PAG1: variants seen among roughly 807,000 people sequenced by gnomAD.
PAG1 encodes phosphoprotein associated with glycosphingolipid-enriched microdomains 1.
In PAG1, 23 loss-of-function variants were observed where a neutral mutation model predicts 31.7. The observed-to-expected ratio is 0.73, with a 90% CI of 0.52 to 1.03. The LOEUF (loss-of-function observed/expected upper bound fraction) is 1.03, where lower values mean the gene tolerates loss of function less well. Ranked by LOEUF, PAG1 falls within the 50% of genes least tolerant of loss-of-function variation. PAG1 has a pLI of 0.00. For missense variants in PAG1, 473 were observed against 540.7 expected (o/e 0.87, Z 1.24); for synonymous variants, 214 against 210.3 (o/e 1.02, Z -0.15).
intron 1 of PAG1, among the ~76,000 whole-genome samples, chr8:81,096,046 TA>T (rs1395581641): frequency 6.6e-6 from 1 of 152,248 alleles, no homozygotes; most frequent in Non-Finnish European, 1.5e-5. Context: ...GATATTCACG[TA>T]AATTTCACAT....
intron 2 of PAG1, among the ~76,000 whole-genome samples, chr8:81,038,636 A>G (rs1237752560): frequency 6.6e-6 from 1 of 152,120 alleles, no homozygotes; most frequent in Admixed American, 6.6e-5. Flanking sequence ...CACACTCTAT[A>G]TATGTAATGA....
At chr8:81,106,237 G>C (rs967847278) in intron 1 of PAG1, among the ~76,000 whole-genome samples, 1 of 151,978 alleles carries the variant, frequency 6.6e-6, no homozygotes, top group East Asian at 1.9e-4. Context: ...GTAGAAACTG[G>C]GTTTCACCAT....
In PAG1 at chr8:81,042,164, C is replaced by G. The variant is rs935973632; in HGVS notation, c.-174-12075G>C. Among the ~76,000 whole-genome samples the G allele has an allele frequency of 3.3e-5, 5 of 152,114 alleles. No individual in the cohort carries two copies. In the East Asian group the frequency reaches 5.8e-4, roughly 18 times the overall value. The stretch of plus-strand genomic sequence containing the variant: ...GCTCGAGAGACAAATCCATGGGGTA[C>G]CAACTATACTCTGCTGAGGCCATGC... On this transcript the variant is annotated intron_variant, in intron 2 of 8. Coordinates refer to ENST00000220597, the MANE Select transcript of PAG1 (RefSeq NM_018440.4).
rs151123399 is a variant in PAG1 at position 80,976,832 on chromosome 8, C to G, written c.1011G>C (p.Pro337=). ...VNKSGQSLTV[P]ESTYTSIQGD... ...CTTGAATGGAGGTGTAGGTGGACTC[C>G]GGAACTGTAAGCGACTGCCCCGATT... Residue 337 remains proline (P), a synonymous_variant, in exon 9 of 9, where the codon CCG becomes CCC. Transcript: ENST00000220597. 2 of 1,613,522 alleles carry G rather than the reference C, an allele frequency of 1.2e-6. No homozygotes were observed. The highest frequency in any genetic ancestry group is 1.7e-5 in the Admixed American group (1 of 59,982).
At position 80,980,544 on chromosome 8, in the gene PAG1, A is replaced by C. The variant is rs771806709; in HGVS notation, c.877-50T>G. The C allele has an allele frequency of 9.3e-6, 11 of 1,185,566 alleles. No individual in the cohort carries two copies. The South Asian group carries it at 1.2e-4, about 13-fold the overall frequency. The allele number at this position is 1,185,566 out of a possible 1,614,324, so 73.4% of individuals were successfully genotyped here. On this transcript the variant is annotated intron_variant, in intron 7 of 8. Transcript: ENST00000220597. ...GAAAGTAATTCAGCGTTAACAATCT[A>C]ACCTTTCTTTTGCACATGTTTCCTC... is the stretch of plus-strand genomic sequence containing the variant.
intron 2 of PAG1, among the ~76,000 whole-genome samples, chr8:81,051,237 T>C (rs1808723277): frequency 6.6e-6 from 1 of 152,156 alleles, no homozygotes; most frequent in East Asian, 1.9e-4. Flanking sequence ...CTGTTAGATG[T>C]GATAAGAGGA....
intron 2 of PAG1, chr8:81,039,394 G>A (rs1808516237): frequency 6.6e-6 from 1 of 152,252 alleles, no homozygotes; most frequent in Admixed American, 6.5e-5. Flanking sequence ...CCCACACAGG[G>A]AGAATCTCAT....
At chr8:81,033,814 G>C (rs1025582711) in intron 2 of PAG1, among the ~76,000 whole-genome samples, 6 of 152,242 alleles carry the variant, frequency 3.9e-5, no homozygotes, top group Admixed American at 2.0e-4. Flanking sequence ...AACCCTGAGG[G>C]ATGAGATGGG....
rs1469487619 is a variant in PAG1 at position 80,993,184 on chromosome 8, A to T, written c.44T>A (p.Ile15Asn). The change falls in exon 4 of 9, where the codon ATC (isoleucine) becomes AAC (asparagine). Residue 15 changes from isoleucine to asparagine, a missense_variant. Ile to Asn is a moderately radical substitution (Grantham distance 149). Transcript: ENST00000220597. ...AGCAGCCAGACTTCCCCACAGGGTG[A>T]TCTGCATCTGTCCGCTGCCCAGCAG... ...GSLLGSGQMQITLWGSLAAVA... is the reference protein window; with the variant it reads ...GSLLGSGQMQNTLWGSLAAVA... 2 of 1,613,378 alleles carry T rather than the reference A, an allele frequency of 1.2e-6. No individual in the cohort carries two copies. The highest frequency in any genetic ancestry group is 1.7e-6 in the Non-Finnish European group (2 of 1,179,832).
rs1586142961 is a variant in PAG1 at position 80,985,161 on chromosome 8, T to A, written c.491A>T (p.Glu164Val). ...TTGGGAGGAGCTGTCCTTGAGCACTTCATAGGGCCCTTCCATCCCCAGCCC... is the reference window on the plus strand; with the variant it reads ...TTGGGAGGAGCTGTCCTTGAGCACTACATAGGGCCCTTCCATCCCCAGCCC... ...DQGLGMEGPY[E>V]VLKDSSSQEN... Residue 164 changes from glutamate to valine, a missense_variant, in exon 7 of 9, where the codon GAA becomes GTA. Glu to Val is a moderately radical substitution (Grantham distance 121). Coordinates refer to ENST00000220597, the MANE Select transcript of PAG1 (RefSeq NM_018440.4). 2 of 1,613,988 alleles carry A rather than the reference T, an allele frequency of 1.2e-6. No homozygotes were observed. The highest frequency in any genetic ancestry group is 2.2e-5 in the East Asian group (1 of 44,890).
chr8:80,991,369 C>A, intron 5 of PAG1, 110 bp downstream of exon 5: 1 of 815,350 alleles, frequency 1.2e-6, no homozygotes, highest in South Asian at 1.4e-5. Context: ...AGGCTTAGCT[C>A]TCCCCGTGGG....
At chr8:81,105,177 G>A (rs530499346) in intron 1 of PAG1, among the ~76,000 whole-genome samples, 6 of 152,222 alleles carry the variant, frequency 3.9e-5, no homozygotes, top group South Asian at 2.1e-4. Context: ...CACCCCTGAC[G>A]GAGCCAAGCA....
chr8:81,022,490 C>T (rs769957317), intron 3 of PAG1, among the ~76,000 whole-genome samples: 3 of 152,016 alleles, frequency 2.0e-5, no homozygotes, highest in Non-Finnish European at 2.9e-5. Flanking sequence ...TTGTTAGCCA[C>T]ATTTGGATGT....
At position 81,030,092 on chromosome 8, in the gene PAG1, A is replaced by G. The variant is rs1233339743; in HGVS notation, c.-174-3T>C. ...AGAGTTCTCTCTTCTTTCTTGGCCT[A>G]TAGCCAAAGAGAAGGAAAGTTAGAA... On this transcript the variant is annotated splice_polypyrimidine_tract_variant and splice_region_variant and intron_variant, in intron 2 of 8. Transcript: ENST00000220597. 1 of 152,236 alleles carries G rather than the reference A, an allele frequency of 6.6e-6. No individual in the cohort carries two copies. Among genetic ancestry groups the G allele is most frequent in the Non-Finnish European group, 1.5e-5 (1 of 68,036 alleles). 9.4% of individuals were successfully genotyped at this position (152,236 alleles called of 1,614,324 possible).
At chr8:81,080,460 C>T (rs1809248324) in intron 1 of PAG1, among the ~76,000 whole-genome samples, 3 of 152,102 alleles carry the variant, frequency 2.0e-5, no homozygotes, top group African/African-American at 7.2e-5. Flanking sequence ...AGAGGCATTT[C>T]CTCTACTGTA....
At chr8:81,108,391 T>C (rs993972006) in intron 1 of PAG1, among the ~76,000 whole-genome samples, 2 of 152,200 alleles carry the variant, frequency 1.3e-5, no homozygotes, top group Non-Finnish European at 2.9e-5. Flanking sequence ...CCCAGGCACA[T>C]GGAGGCAGCC....
intron 2 of PAG1, among the ~76,000 whole-genome samples, chr8:81,061,517 A>G (rs190290488): frequency 1.3e-5 from 2 of 152,308 alleles, no homozygotes; most frequent in East Asian, 3.9e-4. Flanking sequence ...AGTACCACAG[A>G]TTCCAAAACA....
intron 3 of PAG1, among the ~76,000 whole-genome samples, chr8:81,024,305 T>C (rs1808237044): frequency 6.6e-6 from 1 of 152,226 alleles, no homozygotes. Context: ...AAGTTAGAGA[T>C]GCAGGAAGGA....
At chr8:81,064,693 T>C (rs1242452870) in intron 2 of PAG1, among the ~76,000 whole-genome samples, 1 of 152,196 alleles carries the variant, frequency 6.6e-6, no homozygotes, top group Non-Finnish European at 1.5e-5. Context: ...GGGTTTCTAC[T>C]GAAGCAGAGA....
Sources: gnomAD v4.1 joint callset for allele counts (sites outside exome capture counted in the v4.1 genomes callset) on GRCh38, gnomAD v4.1.1 for gene constraint, MANE v1.5 for transcripts, NCBI Gene and HGNC (gene_info 2026-07-23, HGNC 2026-07-21) for gene names.